Variants in CUBN observed in about 807,000 individuals in gnomAD.
CUBN encodes 460 kDa receptor.
In CUBN, 282 loss-of-function variants were observed where a neutral mutation model predicts 405.3. The ratio of observed to expected loss-of-function variants is 0.70; its 90% CI spans 0.63 to 0.77. The LOEUF is 0.77. CUBN is among the 30% of genes least tolerant of loss of function. The pLI is 0.00. For synonymous variants in CUBN, 1,684 were observed against 1,617.0 expected, an observed-to-expected ratio of 1.04 and a Z score of -0.99; for missense variants, 4,514 against 4,475.2, an observed-to-expected ratio of 1.01 and a Z score of -0.25.
intron 56 of CUBN, among the ~76,000 whole-genome samples, chr10:16,880,772 A>G (rs894907600): frequency 1.6e-4 from 24 of 152,362 alleles, no homozygotes; most frequent in African/African-American, 5.8e-4. Context: ...AGAAATCTTG[A>G]GGTATCAATT....
intron 31 of CUBN, among the ~76,000 whole-genome samples, chr10:16,979,226 G>A (rs3012496): frequency 0.87 from 131,900 of 152,016 alleles, 58,066 homozygotes; most frequent in Non-Finnish European, 0.96. Context: ...TTCCATGCTC[G>A]TGGATAGGAA....
At chr10:16,988,629 A>C (rs953577529) in intron 29 of CUBN, among the ~76,000 whole-genome samples, 1 of 152,154 alleles carries the variant, frequency 6.6e-6, no homozygotes, top group Admixed American at 6.5e-5. Flanking sequence ...AGTAATTCCT[A>C]GTGACTCTCA....
intron 17 of CUBN, among the ~76,000 whole-genome samples, chr10:17,074,418 G>A (rs1004864308): frequency 3.3e-5 from 5 of 152,174 alleles, no homozygotes; most frequent in Non-Finnish European, 5.9e-5. Flanking sequence ...CCTGAAATGT[G>A]AGCGTCACAC....
At chr10:16,962,746 A>G (rs1342480957) in intron 31 of CUBN, among the ~76,000 whole-genome samples, 2 of 152,156 alleles carry the variant, frequency 1.3e-5, no homozygotes, top group Non-Finnish European at 2.9e-5. Flanking sequence ...CCTGTGTGGC[A>G]GGGAGTCAAG....
At chr10:17,083,715 C>T (rs865902497) in intron 17 of CUBN, among the ~76,000 whole-genome samples, 1 of 152,050 alleles carries the variant, frequency 6.6e-6, no homozygotes, top group Non-Finnish European at 1.5e-5. Flanking sequence ...ATTGTAAATT[C>T]TTCTCTAGTT....
At chr10:17,025,210 A>G (rs763949870) in intron 27 of CUBN, among the ~76,000 whole-genome samples, 3 of 152,220 alleles carry the variant, frequency 2.0e-5, no homozygotes, top group African/African-American at 4.8e-5. Context: ...ATTCTACTCA[A>G]TGAAAAGATG....
intron 65 of CUBN, among the ~76,000 whole-genome samples, 166 bp downstream of exon 65, chr10:16,831,086 C>CAA (rs971747478): frequency 7.1e-6 from 1 of 141,578 alleles, no homozygotes; most frequent in African/African-American, 2.6e-5. Context: ...GATTCCATTT[C>CAA]AAAAAAAAAA....
At position 17,128,426 on chromosome 10, in the gene CUBN, A is replaced by T. The variant is rs376492446; in HGVS notation, c.253-502T>A. On this transcript the variant is annotated intron_variant, in intron 2 of 66. Coordinates refer to ENST00000377833, the MANE Select transcript of CUBN (RefSeq NM_001081.4). ...GCTCTGAATAATGCTGACTTCTAAC[A>T]TTATGACTGAAATATGCAGTGATTA... Among the ~76,000 whole-genome samples the T allele has an allele frequency of 9.2e-5, 14 of 152,366 alleles. No individual in the cohort carries two copies. In the South Asian group the frequency reaches 2.9e-3, roughly 32 times the overall value.
chr10:17,091,396 AC>A (rs1836255168), intron 14 of CUBN, among the ~76,000 whole-genome samples: 1 of 37,862 alleles, frequency 2.6e-5, no homozygotes, highest in Non-Finnish European at 4.5e-5. Flanking sequence ...TAATTTGAAT[AC>A]TTTTTAAAAA....
At chr10:16,987,713 T>A (rs1833465801) in intron 29 of CUBN, among the ~76,000 whole-genome samples, 1 of 152,156 alleles carries the variant, frequency 6.6e-6, no homozygotes, top group Non-Finnish European at 1.5e-5. Context: ...TTAAACCCAC[T>A]ACTAACATGT....
Position 17,129,213 on chromosome 10 carries a change from G to T in CUBN, c.160C>A (p.Leu54Ile). 2 of 1,613,654 alleles carry T rather than the reference G, an allele frequency of 1.2e-6. No individual in the cohort carries two copies. The highest frequency in any genetic ancestry group is 1.7e-6 in the Non-Finnish European group (2 of 1,179,582). Residue 54 changes from leucine (L) to isoleucine (I), a missense_variant, in exon 2 of 67, where the codon CTT (leucine) becomes ATT (isoleucine). Leu to Ile is a conservative substitution (Grantham distance 5). Around this residue, in one of 5 missense-constraint regions of CUBN, gnomAD observed 1,448 missense variants for 1,388.0 expected, o/e 1.04. Transcript: ENST00000377833. ...TCAATGTTTTGAGCAGACCCCGTAA[G>T]AAACACCAAATTTCCTCTCTCTGTA... ...MATERGNLVF[L>I]TGSAQNIEFR...
At chr10:16,869,915 T>C in intron 58 of CUBN, 62 bp from the exon 59 acceptor site, 1 of 1,229,790 alleles carries the variant, frequency 8.1e-7, no homozygotes, top group African/African-American at 1.5e-5. Context: ...ATTGTAGCTT[T>C]AGCTCTTGCA....
intron 59 of CUBN, 84 bp downstream of exon 59, chr10:16,869,552 G>A (rs974178893): frequency 2.2e-5 from 22 of 983,090 alleles, no homozygotes; most frequent in South Asian, 1.8e-4. Flanking sequence ...ATAATCAGGT[G>A]GGGGTGGGGG....
chr10:16,878,794 T>C (rs1287836914), intron 56 of CUBN, among the ~76,000 whole-genome samples: 1 of 152,244 alleles, frequency 6.6e-6, no homozygotes. Flanking sequence ...TCCGGACATT[T>C]CACATGAATA....
intron 48 of CUBN, among the ~76,000 whole-genome samples, chr10:16,908,509 T>TA (rs1163292400): frequency 1.3e-5 from 2 of 152,248 alleles, no homozygotes; most frequent in African/African-American, 4.8e-5. Context: ...CAATTAAACA[T>TA]AATAGTTCTT....
intron 25 of CUBN, among the ~76,000 whole-genome samples, chr10:17,044,271 CATAAATATATATAAA>C (rs1266400017): frequency 6.9e-6 from 1 of 145,462 alleles, no homozygotes; most frequent in Non-Finnish European, 1.5e-5. Flanking sequence ...TATATGTAAA[CATAAATATATATAAA>C]ATAAATATAT....
chr10:17,097,002 T>C (rs1338464965), intron 14 of CUBN, among the ~76,000 whole-genome samples: 1 of 152,120 alleles, frequency 6.6e-6, no homozygotes, highest in African/African-American at 2.4e-5. Context: ...AAGTTCAAAC[T>C]CATTTGTCAA....
In CUBN at chr10:17,041,108, T is replaced by C. The variant is rs144532564; in HGVS notation, c.3942A>G (p.Thr1314=). 27 of 1,613,496 alleles carry C rather than the reference T, an allele frequency of 1.7e-5. No homozygotes were observed. In the African/African-American group the frequency reaches 3.5e-4, roughly 21 times the overall value. ...AAAATGTGTAGTTCACAGTGTTGCCTGTTGTTGCCCGGATGGTCCAGTTGC... is the reference window on the plus strand; with the variant it reads ...AAAATGTGTAGTTCACAGTGTTGCCCGTTGTTGCCCGGATGGTCCAGTTGC... ...QHCNWTIRAT[T]GNTVNYTFLA... is the part of the protein sequence containing the mutation. Residue 1314 remains threonine (T), a synonymous_variant, in exon 27 of 67, where the codon ACA becomes ACG. Transcript: ENST00000377833.
At chr10:16,892,032 T>A (rs1236113518) in intron 54 of CUBN, among the ~76,000 whole-genome samples, 1 of 152,154 alleles carries the variant, frequency 6.6e-6, no homozygotes, top group Non-Finnish European at 1.5e-5. Context: ...ACACATCTCT[T>A]CTCAAGGATA....
Sources: allele counts gnomAD v4.1 joint callset (sites outside exome capture counted in the v4.1 genomes callset), GRCh38; gene constraint gnomAD v4.1.1; regional missense constraint gnomAD v4.1.1; transcripts MANE v1.5; gene names NCBI Gene and HGNC (gene_info 2026-07-23, HGNC 2026-07-21).